Variants in EYA3 observed in about 807,000 individuals in gnomAD.
EYA3 encodes EYA transcriptional coactivator and phosphatase 3.
A neutral mutation model predicts 80.0 loss-of-function variants in EYA3; 39 were observed. The observed-to-expected ratio is 0.49, with a 90% confidence interval of 0.38 to 0.64. EYA3 has a LOEUF of 0.64. Ranked by LOEUF, EYA3 falls within the 30% of genes least tolerant of loss-of-function variation. EYA3 has a pLI of 0.00. For synonymous variants in EYA3, 206 were observed against 232.8 expected (o/e 0.88, Z 1.05); for missense variants, 523 against 676.1 (o/e 0.77, Z 2.51).
At chr1:28,065,446 T>C (rs1644799822) in intron 1 of EYA3, among the ~76,000 whole-genome samples, 1 of 151,904 alleles carries the variant, frequency 6.6e-6, no homozygotes, top group African/African-American at 2.4e-5. Flanking sequence ...CTAATTTTTG[T>C]ATTTTTAGTA....
At chr1:28,028,751 T>G (rs1278854846) in intron 6 of EYA3, among the ~76,000 whole-genome samples, 2 of 152,088 alleles carry the variant, frequency 1.3e-5, no homozygotes, top group African/African-American at 4.8e-5. Context: ...ATCTTCTTTT[T>G]AACAAAAATG....
chr1:27,978,257 G>A, intron 17 of EYA3, 117 bp downstream of exon 17: 1 of 707,810 alleles, frequency 1.4e-6, no homozygotes, highest in Non-Finnish European at 2.3e-6. Context: ...AAATGGGAGA[G>A]GAAGAAAGAG....
chr1:28,001,694 G>A (rs1285843906), intron 11 of EYA3, among the ~76,000 whole-genome samples: 5 of 134,232 alleles, frequency 3.7e-5, no homozygotes, highest in Admixed American at 3.0e-4. Flanking sequence ...AGCAGAGATC[G>A]CACCATGGCA....
rs183924192 is a variant in EYA3 at position 28,047,925 on chromosome 1, G to A, written c.77+458C>T. Among the ~76,000 whole-genome samples the A allele has an allele frequency of 3.7e-4, 57 of 152,206 alleles. No individual in the cohort carries two copies. The East Asian group carries it at 8.9e-3, about 24-fold the overall frequency. On this transcript the variant is annotated intron_variant, in intron 3 of 17. Transcript: ENST00000373871. ...AAGTGCTGGGATTACAGGCGTGAGC[G>A]ACCGTGCCAGGCGCAAGCTTCCTCT...
At chr1:28,027,202 T>G (rs1424830858) in intron 7 of EYA3, among the ~76,000 whole-genome samples, 4 of 152,300 alleles carry the variant, frequency 2.6e-5, no homozygotes, top group Admixed American at 2.6e-4. Context: ...GAGTTTTTTG[T>G]TTTCTTTCCT....
intron 1 of EYA3, among the ~76,000 whole-genome samples, chr1:28,063,274 A>G (rs1277403091): frequency 6.7e-6 from 1 of 148,596 alleles, no homozygotes; most frequent in Admixed American, 6.7e-5. Flanking sequence ...TTTATTTACT[A>G]CACTTTCCAA....
intron 6 of EYA3, among the ~76,000 whole-genome samples, chr1:28,032,466 A>C (rs771511896): frequency 6.6e-6 from 1 of 152,196 alleles, no homozygotes; most frequent in Non-Finnish European, 1.5e-5. Flanking sequence ...ATACATTCCC[A>C]GAAGTGAAAT....
In EYA3 at chr1:28,066,006, C is replaced by CAA. The variant is rs1034812456; in HGVS notation, c.-68-7914_-68-7913dup. 4.0e-5 allele frequency among the ~76,000 whole-genome samples: 5 copies of CAA among 124,996 alleles called. No homozygotes were observed. In the South Asian group the frequency reaches 7.5e-4, roughly 19 times the overall value. 82.0% of individuals were successfully genotyped at this position (124,996 alleles called of 152,430 possible). ...CCTGGGCAAGAGTGAAACTCTGTCT[C>CAA]AAAAAAAAAAAACAAAAAAGAGTTA... On this transcript the variant is annotated intron_variant, in intron 1 of 17. Transcript: ENST00000373871.
chr1:28,007,107 A>AT (rs939238487), intron 10 of EYA3, among the ~76,000 whole-genome samples: 8 of 150,166 alleles, frequency 5.3e-5, no homozygotes, highest in East Asian at 2.0e-4. Context: ...GGTCCGGCTA[A>AT]TTTTTTTTTA....
At chr1:27,979,162 T>G (rs986538822) in intron 16 of EYA3, among the ~76,000 whole-genome samples, 2 of 152,162 alleles carry the variant, frequency 1.3e-5, no homozygotes, top group African/African-American at 4.8e-5. Context: ...TGTGTCATAA[T>G]GAATGAATGA....
chr1:28,052,014 A>G (rs1305834261), intron 2 of EYA3, among the ~76,000 whole-genome samples: 5 of 149,000 alleles, frequency 3.4e-5, no homozygotes, highest in African/African-American at 1.2e-4. Flanking sequence ...TTTCTTTTTT[A>G]TTTTTATTTT....
rs562151323 is a variant in EYA3 at position 28,055,519 on chromosome 1, G to A, written c.33+2475C>T. ...TCTCACCCACTCTGTTGTCCAGGCT[G>A]GAGTGCACTGGCACAATCTCGGCTC... is the stretch of plus-strand genomic sequence containing the variant. On this transcript the variant is annotated intron_variant, in intron 2 of 17. Transcript: ENST00000373871. Among the ~76,000 whole-genome samples the A allele has an allele frequency of 6.4e-5, 9 of 140,698 alleles. No individual in the cohort carries two copies. In the East Asian group the frequency reaches 1.9e-3, roughly 29 times the overall value. 92.3% of individuals were successfully genotyped at this position (140,698 alleles called of 152,430 possible).
chr1:28,070,694 G>A (rs1330942185), intron 1 of EYA3, among the ~76,000 whole-genome samples: 2 of 152,116 alleles, frequency 1.3e-5, no homozygotes, highest in African/African-American at 2.4e-5. Flanking sequence ...TGTCAAGTTT[G>A]CCTCTCTAAT....
At chr1:27,982,959 C>G (rs1336611565) in intron 16 of EYA3, among the ~76,000 whole-genome samples, 1 of 152,156 alleles carries the variant, frequency 6.6e-6, no homozygotes, top group African/African-American at 2.4e-5. Context: ...ATATATCTAT[C>G]AATTTTCTGT....
At chr1:28,073,127 A>ATATATATATATATATATATATATTTT (rs1553157671) in intron 1 of EYA3, among the ~76,000 whole-genome samples, 1 of 14,990 alleles carries the variant, frequency 6.7e-5, no homozygotes. Context: ...ATATATATAT[A>ATATATATATATATATATATATATTTT]TTTTTTTTTT....
chr1:27,992,862 GATTA>G (rs1571735459), intron 14 of EYA3, among the ~76,000 whole-genome samples: 5 of 152,222 alleles, frequency 3.3e-5, no homozygotes. Flanking sequence ...AACAATCTAT[GATTA>G]ATTAATTCTA....
chr1:28,024,164 G>A (rs1023176570), intron 7 of EYA3, among the ~76,000 whole-genome samples: 2 of 151,864 alleles, frequency 1.3e-5, no homozygotes, highest in Non-Finnish European at 2.9e-5. Context: ...GCTTAAACTC[G>A]GGAGGTGGAG....
intron 6 of EYA3, among the ~76,000 whole-genome samples, chr1:28,029,096 T>C (rs1447153716): frequency 6.6e-6 from 1 of 152,218 alleles, no homozygotes; most frequent in African/African-American, 2.4e-5. Context: ...AGTCAGAACA[T>C]ATAAATCTAT....
chr1:28,029,831 G>A (rs1260370220), intron 6 of EYA3, among the ~76,000 whole-genome samples: 1 of 151,848 alleles, frequency 6.6e-6, no homozygotes, highest in African/African-American at 2.4e-5. Flanking sequence ...CTGACCTCAG[G>A]AGTTCCACCC....
Sources: gnomAD v4.1 joint callset for allele counts (sites outside exome capture counted in the v4.1 genomes callset) on GRCh38, gnomAD v4.1.1 for gene constraint, MANE v1.5 for transcripts, NCBI Gene and HGNC (gene_info 2026-07-23, HGNC 2026-07-21) for gene names.